Variants in MPPED1 observed in about 807,000 individuals in gnomAD.
The protein encoded by MPPED1 is metallophosphoesterase domain containing 1.
In MPPED1, 16 loss-of-function variants were observed where a neutral mutation model predicts 36.2. The ratio of observed to expected loss-of-function variants is 0.44; its 90% CI spans 0.30 to 0.67. MPPED1 has a LOEUF of 0.67. Ranked by LOEUF, MPPED1 falls within the 30% of genes least tolerant of loss-of-function variation. MPPED1 has a pLI of 0.10. For missense variants in MPPED1, 307 were observed against 453.4 expected, an observed-to-expected ratio of 0.68 and a Z score of 2.93; for synonymous variants, 199 against 191.3, an observed-to-expected ratio of 1.04 and a Z score of -0.33.
chr22:43,433,204 C>T (rs1464899425), intron 2 of MPPED1, among the ~76,000 whole-genome samples: 1 of 151,998 alleles, frequency 6.6e-6, no homozygotes, highest in Non-Finnish European at 1.5e-5. Context: ...AGACACTACC[C>T]CTGATGGAAG....
At chr22:43,457,698 C>T (rs1930802945) in intron 3 of MPPED1, among the ~76,000 whole-genome samples, 1 of 152,020 alleles carries the variant, frequency 6.6e-6, no homozygotes, top group Non-Finnish European at 1.5e-5. Flanking sequence ...TTGCCCTGGG[C>T]ATTATAATTA....
intron 1 of MPPED1, chr22:43,416,939 G>A (rs1929095755): frequency 1.2e-5 from 12 of 980,450 alleles, no homozygotes; most frequent in Non-Finnish European, 1.5e-5. Flanking sequence ...AGACAAGCCC[G>A]GCGAGCCGAC....
chr22:43,495,489 AGGTAGTGGTGGTGGAGGT>A (rs2146910871), intron 4 of MPPED1, among the ~76,000 whole-genome samples: 1 of 10,480 alleles, frequency 9.5e-5, no homozygotes, highest in Non-Finnish European at 1.5e-4. Flanking sequence ...GTGGTGGTGG[AGGTAGTGGTGGTGGAGGT>A]GGTGGTGGTG....
rs1929657378 is a variant in MPPED1, at chr22:43,430,980, T to C, written c.225-4054T>C. Among the ~76,000 whole-genome samples, 4 of 149,576 alleles carry C rather than the reference T, an allele frequency of 2.7e-5. No homozygotes were observed. In the South Asian group the frequency reaches 8.5e-4, roughly 32 times the overall value. ...TTCAGGTATAGCTGGATCTTCAAATTATGCCCTCTTGTTCACTGTCTCTTT... is the reference window on the plus strand; with the variant it reads ...TTCAGGTATAGCTGGATCTTCAAATCATGCCCTCTTGTTCACTGTCTCTTT... On this transcript the variant is annotated intron_variant, in intron 2 of 6. Transcript: ENST00000443721.
At chr22:43,451,334 T>G (rs537902829) in intron 3 of MPPED1, among the ~76,000 whole-genome samples, 65 of 152,352 alleles carry the variant, frequency 4.3e-4, no homozygotes, top group Admixed American at 4.6e-4. Flanking sequence ...ACTATTAATA[T>G]CATCCAAAGA....
intron 3 of MPPED1, among the ~76,000 whole-genome samples, chr22:43,436,014 G>A (rs1929945953): frequency 6.6e-6 from 1 of 152,200 alleles, no homozygotes; most frequent in Admixed American, 6.5e-5. Context: ...CCAGATGTGA[G>A]CAGCTGCTGG....
chr22:43,495,377 G>T (rs1932238797), intron 4 of MPPED1, among the ~76,000 whole-genome samples: 1 of 150,336 alleles, frequency 6.7e-6, no homozygotes, highest in Admixed American at 6.6e-5. Flanking sequence ...GATGGTAGTG[G>T]TGATGGTGGT....
chr22:43,477,406 G>A (rs541354875), intron 4 of MPPED1, among the ~76,000 whole-genome samples: 18 of 152,348 alleles, frequency 1.2e-4, no homozygotes, highest in African/African-American at 4.3e-4. Flanking sequence ...ACCGGGGTGA[G>A]CAGATTGCCT....
chr22:43,483,768 G>A (rs1042121063), intron 4 of MPPED1, among the ~76,000 whole-genome samples: 3 of 152,204 alleles, frequency 2.0e-5, no homozygotes, highest in Non-Finnish European at 2.9e-5. Context: ...AGCCCAGTTT[G>A]AGGGTGCTCC....
intron 3 of MPPED1, among the ~76,000 whole-genome samples, chr22:43,443,508 T>A (rs1159269985): frequency 1.3e-5 from 2 of 151,966 alleles, no homozygotes; most frequent in South Asian, 2.1e-4. Context: ...GGAAGTGGAA[T>A]CAACAGAATT....
At chr22:43,490,619 A>G (rs1569086866) in intron 4 of MPPED1, among the ~76,000 whole-genome samples, 1 of 152,218 alleles carries the variant, frequency 6.6e-6, no homozygotes, top group Non-Finnish European at 1.5e-5. Context: ...CTCGGGAACC[A>G]ACAGACGTGT....
chr22:43,496,389 AGAT>A (rs1454206706), intron 4 of MPPED1, among the ~76,000 whole-genome samples: 2 of 28,594 alleles, frequency 7.0e-5, no homozygotes, highest in African/African-American at 5.4e-4. Context: ...GTGGTGGTGG[AGAT>A]GGTGGTGGTG....
At chr22:43,426,600 G>A (rs1223582331) in intron 2 of MPPED1, among the ~76,000 whole-genome samples, 1 of 152,214 alleles carries the variant, frequency 6.6e-6, no homozygotes, top group African/African-American at 2.4e-5. Context: ...TCGAAACCCT[G>A]GCCTGGTGGG....
At chr22:43,444,876 T>G (rs1223946148) in intron 3 of MPPED1, among the ~76,000 whole-genome samples, 1 of 152,142 alleles carries the variant, frequency 6.6e-6, no homozygotes, top group Non-Finnish European at 1.5e-5. Flanking sequence ...GTCAAAGAGT[T>G]GGAGATAGTT....
In MPPED1 at chr22:43,505,661, A is replaced by T; in HGVS notation, c.*45A>T. On this transcript the variant is annotated 3_prime_UTR_variant, in exon 7 of 7. Transcript: ENST00000443721. ...CCCTGCCCGCCCGTGTCAGCTCCAC[A>T]GGCCTGGCCCGGCCACTGTTCCTTC... is the stretch of plus-strand genomic sequence containing the variant. The T allele has an allele frequency of 6.6e-7, 1 of 1,521,094 alleles. No homozygotes were observed. The highest frequency in any genetic ancestry group is 1.9e-5 in the Admixed American group (1 of 53,544). The allele number at this position is 1,521,094 out of a possible 1,614,324, so 94.2% of individuals were successfully genotyped here.
At chr22:43,496,435 G>A (rs1444215562) in intron 4 of MPPED1, among the ~76,000 whole-genome samples, 1 of 101,234 alleles carries the variant, frequency 9.9e-6, no homozygotes, top group Non-Finnish European at 1.9e-5. Context: ...TGGTGGAGGT[G>A]GTGGTGGTGG....
At chr22:43,419,998 G>A (rs1231301844) in intron 1 of MPPED1, among the ~76,000 whole-genome samples, 3 of 152,138 alleles carry the variant, frequency 2.0e-5, no homozygotes, top group Non-Finnish European at 4.4e-5. Context: ...CAAGCCCTTA[G>A]AACCAGAGGG....
At chr22:43,448,281 G>C (rs1041567462) in intron 3 of MPPED1, among the ~76,000 whole-genome samples, 5 of 152,190 alleles carry the variant, frequency 3.3e-5, no homozygotes, top group East Asian at 1.9e-4. Flanking sequence ...TGTCCAGTGT[G>C]GTAACCACGA....
intron 5 of MPPED1, among the ~76,000 whole-genome samples, chr22:43,501,408 A>G (rs1932730382): frequency 7.1e-6 from 1 of 141,710 alleles, no homozygotes; most frequent in Non-Finnish European, 1.5e-5. Context: ...TCTCCTTTCC[A>G]TCCATCCATC....
Sources: allele counts gnomAD v4.1 joint callset (sites outside exome capture counted in the v4.1 genomes callset), GRCh38; gene constraint gnomAD v4.1.1; transcripts MANE v1.5; gene names NCBI Gene and HGNC (gene_info 2026-07-23, HGNC 2026-07-21).